The following CPT1C variants were observed in gnomAD, a reference collection of about 807,000 sequenced individuals.
CPT1C encodes the protein carnitine palmitoyltransferase 1C.
CPT1C carries 61 observed loss-of-function variants against 97.3 expected under a neutral mutation model. The ratio of observed to expected loss-of-function variants is 0.63; its 90% confidence interval spans 0.51 to 0.78. The LOEUF is 0.78. CPT1C is among the 30% of genes least tolerant of loss of function. CPT1C has a pLI of 0.00. For missense variants in CPT1C, 975 were observed against 1,065.5 expected (o/e 0.92, Z 1.18); for synonymous variants, 469 against 447.2 (o/e 1.05, Z -0.61).
Position 49,710,783 on chromosome 19 carries a change from C to T in CPT1C, c.1792C>T (p.Arg598Trp), listed in dbSNP as rs777668404. The change falls in exon 16 of 20, where the codon CGG (arginine) becomes TGG (tryptophan). Residue 598 changes from arginine (R) to tryptophan (W), a missense_variant. Coordinates refer to ENST00000598293, the MANE Select transcript of CPT1C (RefSeq NM_001199753.2). ...SAMTRLFLEGRTETVRSCTRE... is the reference protein window; with the variant it reads ...SAMTRLFLEGWTETVRSCTRE... ...CATGACTCGCTTATTCCTGGAAGGC[C>T]GGACGGAGACGGTGCGGTCTTGCAC... 6.2e-6 allele frequency: 10 copies of T among 1,613,912 alleles called. No individual in the cohort carries two copies. The highest frequency in any genetic ancestry group is 2.2e-5 in the South Asian group (2 of 91,084).
intron 3 of CPT1C, among the ~76,000 whole-genome samples, chr19:49,694,628 CA>C (rs1160047948): frequency 0.061 from 3,975 of 64,836 alleles, 145 homozygotes; most frequent in African/African-American, 0.19. Context: ...GACTCCGTTT[CA>C]AAAAAAAAAA....
intron 3 of CPT1C, among the ~76,000 whole-genome samples, chr19:49,695,122 C>T (rs969897511): frequency 7.2e-5 from 11 of 151,774 alleles, no homozygotes; most frequent in Admixed American, 7.2e-4. Context: ...GCCTGGGCAA[C>T]AAAGCGAGAC....
chr19:49,700,949 TG>T (rs2082988354), intron 5 of CPT1C, 94 bp downstream of exon 5: 3 of 1,356,000 alleles, frequency 2.2e-6, no homozygotes, highest in South Asian at 1.2e-5. Context: ...TCTGGGTCTC[TG>T]TCCCTCTCTC....
intron 13 of CPT1C, among the ~76,000 whole-genome samples, chr19:49,708,511 A>G (rs1263687633): frequency 1.3e-5 from 2 of 152,140 alleles, no homozygotes; most frequent in Admixed American, 6.6e-5. Context: ...AAAAAGGAAA[A>G]GAAAATAAGG....
chr19:49,692,199 G>A (rs1051242640), intron 2 of CPT1C, 40 bp from the exon 3 acceptor site: 297 of 1,601,942 alleles, frequency 1.9e-4, no homozygotes, highest in Non-Finnish European at 2.3e-4. Context: ...TCTGAGGGCG[G>A]AGGGGCTGGG....
At chr19:49,694,051 C>T (rs554185017) in intron 3 of CPT1C, among the ~76,000 whole-genome samples, 3 of 149,306 alleles carry the variant, frequency 2.0e-5, no homozygotes, top group South Asian at 4.2e-4. Context: ...GGCGACAGAG[C>T]GAGACTCCGT....
At chr19:49,704,861 C>G in intron 8 of CPT1C, 74 bp downstream of exon 8, 1 of 1,478,320 alleles carries the variant, frequency 6.8e-7, no homozygotes, top group Non-Finnish European at 9.5e-7. Context: ...ATGTGACGGT[C>G]ATGCTCAGTG....
intron 3 of CPT1C, among the ~76,000 whole-genome samples, chr19:49,694,628 C>CAA (rs1160047948): frequency 1.9e-4 from 12 of 64,840 alleles, no homozygotes; most frequent in African/African-American, 1.6e-4. Flanking sequence ...GACTCCGTTT[C>CAA]AAAAAAAAAA....
intron 14 of CPT1C, among the ~76,000 whole-genome samples, 180 bp downstream of exon 14, chr19:49,709,019 C>G (rs1367644933): frequency 6.6e-6 from 1 of 151,006 alleles, no homozygotes; most frequent in Non-Finnish European, 1.5e-5. Context: ...AACCCCAACA[C>G]GAACCTCATC....
Position 49,711,761 on chromosome 19 carries a change from G to A in CPT1C, c.1867-48G>A. On this transcript the variant is annotated intron_variant, in intron 16 of 19. Transcript: ENST00000598293. ...AGATGTGCCGCAGGCCCAGCCCTAA[G>A]TCGACTTCCTGTCTTTCCATGACCT... 7 of 1,564,124 alleles carry A rather than the reference G, an allele frequency of 4.5e-6. No homozygotes were observed. The Middle Eastern group carries it at 8.6e-4, about 191-fold the overall frequency.
intron 3 of CPT1C, among the ~76,000 whole-genome samples, chr19:49,694,080 AAAATAAAAAATAAAT>A (rs779540773): frequency 1.6e-3 from 234 of 145,398 alleles, no homozygotes; most frequent in African/African-American, 4.4e-3. Flanking sequence ...AAAATAAAAT[AAAATAAAAAATAAAT>A]AAATAAATAA....
Position 49,713,522 on chromosome 19 carries a change from A to G in CPT1C, c.2329A>G (p.Lys777Glu), listed in dbSNP as rs772524556. 2 of 1,614,204 alleles carry G rather than the reference A, an allele frequency of 1.2e-6. No homozygotes were observed. Among genetic ancestry groups the G allele is most frequent in the African/African-American group, 1.3e-5 (1 of 75,058 alleles). Reference sequence around the variant, plus strand: ...TAAGCGCCGGTTCAGAGGGTCAGGGAAGGAGAACTCCAGGCACAGGTGTGG... The same window carrying G: ...TAAGCGCCGGTTCAGAGGGTCAGGGGAGGAGAACTCCAGGCACAGGTGTGG... The part of the protein sequence containing the change: ...HFKRRFRGSG[K>E]ENSRHRCGFL... Residue 777 changes from lysine (K) to glutamate (E), a missense_variant, in exon 20 of 20, where the codon AAG (lysine) becomes GAG (glutamate). Physicochemically the swap from Lys to Glu is moderately conservative, Grantham distance 56. Coordinates refer to ENST00000598293, the MANE Select transcript of CPT1C (RefSeq NM_001199753.2).
At position 49,710,474 on chromosome 19, in the gene CPT1C, C is replaced by T; in HGVS notation, c.1721C>T (p.Ala574Val). The change falls in exon 15 of 20, where the codon GCC becomes GTC. Residue 574 changes from alanine to valine, a missense_variant. Physicochemically the swap from Ala to Val is moderately conservative, Grantham distance 64. Coordinates refer to ENST00000598293, the MANE Select transcript of CPT1C (RefSeq NM_001199753.2). ...TTCATCCAGATCGCCTTGCAACTGG[C>T]CCACTTCCGGGTCAGTTGGGTTCCC... is the stretch of plus-strand genomic sequence containing the variant. ...DSFIQIALQLAHFRDRGQFCL... is the reference protein window; with the variant it reads ...DSFIQIALQLVHFRDRGQFCL... The T allele has an allele frequency of 1.9e-6, 3 of 1,614,148 alleles. No individual in the cohort carries two copies. Among genetic ancestry groups the T allele is most frequent in the Non-Finnish European group, 2.5e-6 (3 of 1,180,042 alleles).
intron 7 of CPT1C, among the ~76,000 whole-genome samples, chr19:49,703,121 T>TTCCC (rs139309273): frequency 0.085 from 12,123 of 143,412 alleles, 440 homozygotes; most frequent in Middle Eastern, 0.12. Context: ...CTTCCCTTCC[T>TTCCC]TCCCTCCCTC....
chr19:49,710,429 G>A lies in CPT1C; in HGVS notation c.1676G>A (p.Cys559Tyr). The change falls in exon 15 of 20, where the codon TGC (cysteine) becomes TAC (tyrosine). Residue 559 changes from cysteine to tyrosine, a missense_variant. Physicochemically the swap from Cys to Tyr is radical, Grantham distance 194. Around this residue, in one of 3 missense-constraint regions of CPT1C, gnomAD observed 344 missense variants for 395.7 expected, o/e 0.87. Coordinates refer to ENST00000598293, the MANE Select transcript of CPT1C (RefSeq NM_001199753.2). Reference protein sequence around the residue: ...SLFGKSFIRRCHLSSDSFIQI... With the variant: ...SLFGKSFIRRYHLSSDSFIQI... ...TTTGGCAAGAGCTTCATCCGACGCT[G>A]CCACCTCTCTTCAGACAGCTTCATC... 1 of 1,614,154 alleles carries A rather than the reference G, an allele frequency of 6.2e-7. No homozygotes were observed. Among genetic ancestry groups the A allele is most frequent in the Non-Finnish European group, 8.5e-7 (1 of 1,180,028 alleles).
At position 49,701,940 on chromosome 19, in the gene CPT1C, A is replaced by T. The variant is rs1568520129; in HGVS notation, c.693+306A>T. Among the ~76,000 whole-genome samples, 2 of 94,766 alleles carry T rather than the reference A, an allele frequency of 2.1e-5. 1 individual carries two copies. The highest frequency in any genetic ancestry group is 4.9e-4 in the East Asian group (2 of 4,110). The allele number at this position is 94,766 out of a possible 152,430, so 62.2% of individuals were successfully genotyped here. ...TTTATATACAAATATTAATATTTAT[A>T]AATTTATATATAAATATATTTATAT... On this transcript the variant is annotated intron_variant, in intron 7 of 19. Transcript: ENST00000598293.
chr19:49,700,408 T>C (rs1174900431), intron 4 of CPT1C, among the ~76,000 whole-genome samples: 1 of 152,058 alleles, frequency 6.6e-6, no homozygotes, highest in Non-Finnish European at 1.5e-5. Context: ...CTTAGAGTAG[T>C]GATAGCTGGA....
At chr19:49,703,159 G>A (rs1600097753) in intron 7 of CPT1C, among the ~76,000 whole-genome samples, 1 of 103,728 alleles carries the variant, frequency 9.6e-6, no homozygotes, top group African/African-American at 4.0e-5. Flanking sequence ...CTTCTTTCCT[G>A]CCTGCCTGCC....
intron 7 of CPT1C, among the ~76,000 whole-genome samples, chr19:49,703,676 A>G (rs2083342749): frequency 6.8e-6 from 1 of 147,308 alleles, no homozygotes; most frequent in Non-Finnish European, 1.5e-5. Flanking sequence ...TCTGTCACCC[A>G]GGCTGTAGTG....
Sources: gnomAD v4.1 joint callset for allele counts (sites outside exome capture counted in the v4.1 genomes callset) on GRCh38, gnomAD v4.1.1 for gene constraint, gnomAD v4.1.1 regional missense constraint, MANE v1.5 for transcripts, NCBI Gene and HGNC (gene_info 2026-07-23, HGNC 2026-07-21) for gene names.